The following NEGR1 variants were observed in gnomAD, a reference collection of about 807,000 sequenced individuals.
NEGR1 encodes the protein neuronal growth regulator 1.
In NEGR1, 10 loss-of-function variants were observed where a neutral mutation model predicts 40.9. That is an observed-to-expected ratio of 0.24 (90% CI 0.15 to 0.42). The LOEUF (loss-of-function observed/expected upper bound fraction) is 0.42. Among genes scored for constraint, NEGR1 ranks in the 10% least tolerant of loss-of-function variants. NEGR1 has a pLI of 1.00. For missense variants in NEGR1, 352 were observed against 438.9 expected (o/e 0.80, Z 1.77); for synonymous variants, 185 against 166.8 (o/e 1.11, Z -0.84).
intron 6 of NEGR1, among the ~76,000 whole-genome samples, chr1:71,509,204 C>T (rs1212186087): frequency 1.3e-5 from 2 of 152,158 alleles, no homozygotes; most frequent in Non-Finnish European, 2.9e-5. Context: ...TCCGTTTCCC[C>T]TAGGATGAGA....
intron 2 of NEGR1, among the ~76,000 whole-genome samples, chr1:71,823,066 G>A (rs1433812238): frequency 6.6e-6 from 1 of 151,948 alleles, no homozygotes; most frequent in Non-Finnish European, 1.5e-5. Context: ...GAATCAAGGG[G>A]TGGCATTCCT....
intron 1 of NEGR1, among the ~76,000 whole-genome samples, chr1:72,009,702 A>G (rs1646639957): frequency 6.6e-6 from 1 of 152,072 alleles, no homozygotes; most frequent in Non-Finnish European, 1.5e-5. Context: ...TCCATAGGCA[A>G]CTGTTTTGTG....
intron 1 of NEGR1, among the ~76,000 whole-genome samples, chr1:72,036,957 G>A (rs1190827487): frequency 6.6e-6 from 1 of 152,026 alleles, no homozygotes; most frequent in East Asian, 1.9e-4. Context: ...AATGGATGAT[G>A]TAAATCCTAT....
chr1:71,501,162 T>A (rs974605124), intron 6 of NEGR1, among the ~76,000 whole-genome samples: 1 of 152,146 alleles, frequency 6.6e-6, no homozygotes, highest in Non-Finnish European at 1.5e-5. Context: ...TGTGCAGGCA[T>A]GTGTGCACAT....
At position 71,928,100 on chromosome 1, in the gene NEGR1, A is replaced by ATG. The variant is rs767307024; in HGVS notation, c.409+6977_409+6978dup. On this transcript the variant is annotated intron_variant, in intron 2 of 6. Transcript: ENST00000357731. ...TACATATATGTATATATACACACAT[A>ATG]TGTATATATACACATATGTATATAT... 8.4e-5 allele frequency among the ~76,000 whole-genome samples: 10 copies of ATG among 118,600 alleles called. 1 individual carries two copies. Among genetic ancestry groups the ATG allele is most frequent in the Non-Finnish European group, 1.5e-4 (9 of 59,064 alleles). 77.8% of individuals were successfully genotyped at this position (118,600 alleles called of 152,430 possible).
intron 6 of NEGR1, among the ~76,000 whole-genome samples, chr1:71,512,140 ACTTT>A (rs1481749318): frequency 2.6e-5 from 4 of 152,076 alleles, no homozygotes; most frequent in Non-Finnish European, 4.4e-5. Flanking sequence ...AACATACACA[ACTTT>A]CTTTCTTTCT....
chr1:71,927,981 G>C lies in NEGR1; in HGVS notation c.409+7098C>G, dbSNP rs555822464. On this transcript the variant is annotated intron_variant, in intron 2 of 6. Transcript: ENST00000357731. ...GCCACTACACTTCAGCCTGGACACA[G>C]AGTGAGATGCTGTCTCAGGAAAAAA... Among the ~76,000 whole-genome samples, 8 of 146,946 alleles carry C rather than the reference G, an allele frequency of 5.4e-5. No homozygotes were observed. In the East Asian group the frequency reaches 1.6e-3, roughly 29 times the overall value.
chr1:72,217,324 T>TG (rs940591823), intron 1 of NEGR1, among the ~76,000 whole-genome samples: 6 of 152,008 alleles, frequency 3.9e-5, no homozygotes, highest in Non-Finnish European at 7.4e-5. Flanking sequence ...CATTTAAAAT[T>TG]GAACTTTTTC....
At chr1:71,788,196 A>G (rs1656981575) in intron 2 of NEGR1, among the ~76,000 whole-genome samples, 1 of 152,122 alleles carries the variant, frequency 6.6e-6, no homozygotes. Context: ...AAAGGTTATC[A>G]TGCAGCTATG....
At chr1:71,537,328 G>C (rs1308128742) in intron 6 of NEGR1, among the ~76,000 whole-genome samples, 1 of 151,648 alleles carries the variant, frequency 6.6e-6, no homozygotes, top group African/African-American at 2.4e-5. Context: ...CCTTCCAGAA[G>C]AAATATCCTA....
chr1:71,568,829 C>CATGTGT (rs750483779), intron 6 of NEGR1, among the ~76,000 whole-genome samples: 1 of 147,532 alleles, frequency 6.8e-6, no homozygotes, highest in African/African-American at 2.5e-5. Context: ...TATATGTATA[C>CATGTGT]GTGTGTGTGT....
intron 1 of NEGR1, among the ~76,000 whole-genome samples, chr1:72,106,678 C>T (rs186734399): frequency 6.6e-6 from 1 of 151,994 alleles, no homozygotes; most frequent in Non-Finnish European, 1.5e-5. Flanking sequence ...GAAGACAATA[C>T]ATCTAGAATA....
intron 6 of NEGR1, among the ~76,000 whole-genome samples, chr1:71,561,928 C>CT (rs72262470): frequency 0.56 from 78,991 of 140,016 alleles, 22,687 homozygotes; most frequent in Middle Eastern, 0.64. Context: ...TTTGCTAGAG[C>CT]TTTTTTTTTT....
At chr1:71,586,904 A>T (rs1649326512) in intron 6 of NEGR1, among the ~76,000 whole-genome samples, 1 of 152,076 alleles carries the variant, frequency 6.6e-6, no homozygotes, top group Admixed American at 6.6e-5. Context: ...CTGCAAACCT[A>T]ATTTTTGTCA....
chr1:72,184,461 TAAGA>T (rs201514490), intron 1 of NEGR1, among the ~76,000 whole-genome samples: 2 of 152,038 alleles, frequency 1.3e-5, no homozygotes, highest in East Asian at 3.9e-4. Flanking sequence ...CTCCATGAAC[TAAGA>T]GAGAGTATAA....
intron 1 of NEGR1, among the ~76,000 whole-genome samples, chr1:72,105,429 G>T (rs1316542047): frequency 6.6e-6 from 1 of 151,998 alleles, no homozygotes; most frequent in Non-Finnish European, 1.5e-5. Flanking sequence ...GTTTGAGTGT[G>T]CTGGCTCAAG....
At chr1:71,960,677 G>A (rs1373906720) in intron 1 of NEGR1, among the ~76,000 whole-genome samples, 1 of 152,018 alleles carries the variant, frequency 6.6e-6, no homozygotes, top group Non-Finnish European at 1.5e-5. Flanking sequence ...GAACATTAGT[G>A]GCTCATTAGG....
At chr1:71,809,484 G>T (rs1488806237) in intron 2 of NEGR1, among the ~76,000 whole-genome samples, 1 of 151,920 alleles carries the variant, frequency 6.6e-6, no homozygotes, top group African/African-American at 2.4e-5. Context: ...TTAGGTATTG[G>T]GGTAATAAAA....
intron 1 of NEGR1, among the ~76,000 whole-genome samples, chr1:72,039,694 G>A (rs963175445): frequency 1.3e-5 from 2 of 151,902 alleles, no homozygotes; most frequent in African/African-American, 4.8e-5. Context: ...AACTTGATAA[G>A]AGGAATGAAT....
Sources: gnomAD v4.1 joint callset for allele counts (sites outside exome capture counted in the v4.1 genomes callset) on GRCh38, gnomAD v4.1.1 for gene constraint, MANE v1.5 for transcripts, NCBI Gene and HGNC (gene_info 2026-07-23, HGNC 2026-07-21) for gene names.